The following CERS6 variants were observed in gnomAD, a reference collection of about 807,000 sequenced individuals.
CERS6 encodes ceramide synthase 6, also known as LAG1 homolog, ceramide synthase 6.
A neutral mutation model predicts 56.8 loss-of-function variants in CERS6; 26 were observed. The observed-to-expected ratio is 0.46, with a 90% CI of 0.34 to 0.63. CERS6 has a LOEUF of 0.63. Among genes scored for constraint, CERS6 ranks in the 30% least tolerant of loss-of-function variants. CERS6 has a pLI of 0.01. For missense variants in CERS6, 415 were observed against 467.5 expected (o/e 0.89, Z 1.04); for synonymous variants, 164 against 173.3 (o/e 0.95, Z 0.42).
chr2:168,517,072 C>T (rs1694895908), intron 1 of CERS6, among the ~76,000 whole-genome samples: 1 of 151,944 alleles, frequency 6.6e-6, no homozygotes, highest in African/African-American at 2.4e-5. Context: ...AGAGGAACAC[C>T]TGATTTGGAA....
At chr2:168,642,887 A>T (rs911690368) in intron 4 of CERS6, among the ~76,000 whole-genome samples, 2 of 152,204 alleles carry the variant, frequency 1.3e-5, no homozygotes, top group Admixed American at 1.3e-4. Flanking sequence ...AATTGTCAGG[A>T]TCTACTTTGT....
chr2:168,742,503 CTAT>C (rs1683943776), intron 8 of CERS6, among the ~76,000 whole-genome samples: 1 of 152,152 alleles, frequency 6.6e-6, no homozygotes. Context: ...TTATCAGCAC[CTAT>C]TATTTGATAA....
intron 1 of CERS6, among the ~76,000 whole-genome samples, chr2:168,487,546 T>A (rs915640620): frequency 7.2e-5 from 11 of 152,214 alleles, no homozygotes; most frequent in African/African-American, 2.7e-4. Flanking sequence ...TCTTTATAAG[T>A]CTCATACAAT....
chr2:168,586,574 T>C (rs1355495371), intron 3 of CERS6, among the ~76,000 whole-genome samples: 3 of 152,192 alleles, frequency 2.0e-5, no homozygotes, highest in Non-Finnish European at 4.4e-5. Flanking sequence ...ATTTTAACTG[T>C]GGAGTTACCC....
intron 8 of CERS6, among the ~76,000 whole-genome samples, chr2:168,761,650 C>G (rs1455146481): frequency 6.6e-6 from 1 of 152,074 alleles, no homozygotes; most frequent in African/African-American, 2.4e-5. Context: ...AACACGTGGT[C>G]AATCAACAAA....
At chr2:168,578,560 C>G (rs189104827) in intron 3 of CERS6, among the ~76,000 whole-genome samples, 34 of 152,180 alleles carry the variant, frequency 2.2e-4, no homozygotes, top group Non-Finnish European at 4.6e-4. Flanking sequence ...TTTCAGGAAG[C>G]ACATCCAGAT....
chr2:168,580,396 G>A (rs954088415), intron 3 of CERS6, among the ~76,000 whole-genome samples: 3 of 151,796 alleles, frequency 2.0e-5, no homozygotes, highest in African/African-American at 2.4e-5. Flanking sequence ...AAATTACAAC[G>A]GGTATACCTA....
chr2:168,623,271 A>G (rs937945079), intron 3 of CERS6, among the ~76,000 whole-genome samples: 1 of 152,106 alleles, frequency 6.6e-6, no homozygotes, highest in Admixed American at 6.6e-5. Context: ...AAAGAGGGAG[A>G]TGTTGGTTGA....
chr2:168,488,506 A>C (rs1436023055), intron 1 of CERS6, among the ~76,000 whole-genome samples: 1 of 152,062 alleles, frequency 6.6e-6, no homozygotes, highest in African/African-American at 2.4e-5. Flanking sequence ...TGTAATTTTG[A>C]AAAATCTTTT....
chr2:168,670,471 C>G (rs1474402609), intron 4 of CERS6, among the ~76,000 whole-genome samples: 1 of 152,214 alleles, frequency 6.6e-6, no homozygotes, highest in African/African-American at 2.4e-5. Flanking sequence ...AGGTGACACA[C>G]AAACTTAGAA....
rs555055792 is a variant in CERS6 at position 168,547,813 on chromosome 2, T to C, written c.276+112T>C. On this transcript the variant is annotated intron_variant, in intron 2 of 9. Coordinates refer to ENST00000305747, the MANE Select transcript of CERS6 (RefSeq NM_203463.3). ...GAGAATCAACTTTTGCCTAGCCTTA[T>C]GCTGGAGAACGTGTTGTCAGAAGGA... 1.8e-5 allele frequency: 13 copies of C among 722,312 alleles called. 1 individual carries two copies. The East Asian group carries it at 3.5e-4, about 19-fold the overall frequency. 44.7% of individuals were successfully genotyped at this position (722,312 alleles called of 1,614,324 possible).
intron 4 of CERS6, among the ~76,000 whole-genome samples, chr2:168,657,909 G>T (rs149342476): frequency 0.034 from 5,198 of 152,356 alleles, 106 homozygotes; most frequent in South Asian, 0.058. Context: ...GGGACTGAAG[G>T]GCTCCTCAAA....
chr2:168,634,612 C>G (rs1684821728), intron 4 of CERS6, among the ~76,000 whole-genome samples: 1 of 152,096 alleles, frequency 6.6e-6, no homozygotes, highest in Non-Finnish European at 1.5e-5. Context: ...GGGATTTCAC[C>G]ATGTTGGCCA....
At chr2:168,568,762 A>G (rs985013395) in intron 3 of CERS6, among the ~76,000 whole-genome samples, 1 of 152,230 alleles carries the variant, frequency 6.6e-6, no homozygotes. Flanking sequence ...GGGCAGTAGT[A>G]TAGTCACTTG....
intron 2 of CERS6, among the ~76,000 whole-genome samples, chr2:168,552,827 A>T (rs1027260513): frequency 6.6e-6 from 1 of 152,226 alleles, no homozygotes; most frequent in African/African-American, 2.4e-5. Flanking sequence ...AAGATGATTA[A>T]TAAAGAAGCA....
At position 168,548,343 on chromosome 2, in the gene CERS6, A is replaced by G. The variant is rs141902105; in HGVS notation, c.276+642A>G. 5.5e-3 allele frequency among the ~76,000 whole-genome samples: 830 copies of G among 152,218 alleles called. 5 individuals are homozygous for G. The highest frequency in any genetic ancestry group is 9.8e-3 in the Non-Finnish European group (668 of 68,000). ...AGTGGGAGAGAAGTGGGTAGAAGAGACCACGTCTCCTGCCTCTGCCCCCAT... is the reference window on the plus strand; with the variant it reads ...AGTGGGAGAGAAGTGGGTAGAAGAGGCCACGTCTCCTGCCTCTGCCCCCAT... On this transcript the variant is annotated intron_variant, in intron 2 of 9. Transcript: ENST00000305747.
intron 1 of CERS6, among the ~76,000 whole-genome samples, chr2:168,532,461 G>T (rs140475825): frequency 4.6e-5 from 7 of 151,826 alleles, no homozygotes; most frequent in Non-Finnish European, 8.8e-5. Flanking sequence ...TGTTCTCATT[G>T]CCTTGAATGC....
At chr2:168,586,623 A>C (rs796349281) in intron 3 of CERS6, among the ~76,000 whole-genome samples, 26 of 152,150 alleles carry the variant, frequency 1.7e-4, no homozygotes, top group African/African-American at 5.8e-4. Context: ...TTTGGGGTCC[A>C]TTTTTTCATT....
chr2:168,752,988 T>C (rs529236407), intron 8 of CERS6, among the ~76,000 whole-genome samples: 1 of 152,338 alleles, frequency 6.6e-6, no homozygotes, highest in East Asian at 1.9e-4. Flanking sequence ...GGGTATTTTA[T>C]CCATGGAGAA....
Sources: gnomAD v4.1 joint callset for allele counts (sites outside exome capture counted in the v4.1 genomes callset) on GRCh38, gnomAD v4.1.1 for gene constraint, MANE v1.5 for transcripts, NCBI Gene and HGNC (gene_info 2026-07-23, HGNC 2026-07-21) for gene names.